ANKRD31: variants seen among roughly 807,000 people sequenced by gnomAD.
The protein encoded by ANKRD31 is ankyrin repeat domain 31.
ANKRD31 carries 147 observed loss-of-function variants against 186.0 expected under a neutral mutation model. The ratio of observed to expected loss-of-function variants is 0.79; its 90% confidence interval spans 0.69 to 0.91. The LOEUF (loss-of-function observed/expected upper bound fraction) is 0.91. ANKRD31 is among the 40% of genes least tolerant of loss of function. The pLI, the probability that ANKRD31 is intolerant of heterozygous loss-of-function variation, is 0.00. For synonymous variants in ANKRD31, 673 were observed against 736.4 expected, an observed-to-expected ratio of 0.91 and a Z score of 1.39; for missense variants, 1,986 against 2,148.8, an observed-to-expected ratio of 0.92 and a Z score of 1.50.
intron 19 of ANKRD31, among the ~76,000 whole-genome samples, chr5:75,113,631 G>A (rs763487315): frequency 1.2e-4 from 19 of 152,004 alleles, no homozygotes; most frequent in Admixed American, 2.0e-4. Context: ...AAAACATGTA[G>A]GTCCTCAAAG....
chr5:75,221,321 A>G (rs1406055387), intron 3 of ANKRD31, among the ~76,000 whole-genome samples: 1 of 152,232 alleles, frequency 6.6e-6, no homozygotes, highest in African/African-American at 2.4e-5. Flanking sequence ...TGTCAAAATC[A>G]TATTTTAAAA....
intron 6 of ANKRD31, among the ~76,000 whole-genome samples, 195 bp from the exon 7 acceptor site, chr5:75,196,395 T>C (rs1030814452): frequency 2.0e-5 from 3 of 152,134 alleles, no homozygotes; most frequent in Non-Finnish European, 4.4e-5. Context: ...ACTGAAAACA[T>C]GGTTAAACAT....
At chr5:75,119,608 C>T (rs1415140726) in intron 17 of ANKRD31, among the ~76,000 whole-genome samples, 3 of 152,184 alleles carry the variant, frequency 2.0e-5, no homozygotes, top group African/African-American at 4.8e-5. Flanking sequence ...CCTTTGGGTA[C>T]ATACCCAGTA....
At position 75,195,723 on chromosome 5, in the gene ANKRD31, CT is replaced by C; in HGVS notation, c.924del (p.Glu309ArgfsTer13). The C allele has an allele frequency of 2.0e-6, 3 of 1,537,584 alleles. No individual in the cohort carries two copies. Among genetic ancestry groups the C allele is most frequent in the Non-Finnish European group, 2.6e-6 (3 of 1,146,908 alleles). ...EAKVETICHR[K>X]EGGSSLIARN... The stretch of plus-strand genomic sequence containing the variant: ...CTGGCAATGAGACTGCTACCTCCCT[CT>C]TTTCTGTGACAGATGGTTTCCACCT... On this transcript the variant is annotated frameshift_variant, in exon 7 of 26. Transcript: ENST00000506364. LOFTEE classifies it high-confidence loss of function.
intron 3 of ANKRD31, among the ~76,000 whole-genome samples, chr5:75,220,842 G>C (rs1757252622): frequency 6.6e-6 from 1 of 152,100 alleles, no homozygotes; most frequent in Non-Finnish European, 1.5e-5. Flanking sequence ...GCTTATGCTT[G>C]TAACCCCAGC....
intron 17 of ANKRD31, among the ~76,000 whole-genome samples, chr5:75,135,322 A>G (rs1580405449): frequency 6.6e-6 from 1 of 152,344 alleles, no homozygotes; most frequent in African/African-American, 2.4e-5. Context: ...GCAAAGGCTC[A>G]GGATACTAAA....
rs1749320175 is a variant in ANKRD31, at chr5:75,127,148, G to A, written c.3877-8851C>T. 2.7e-5 allele frequency among the ~76,000 whole-genome samples: 4 copies of A among 147,978 alleles called. No individual in the cohort carries two copies. In the Admixed American group the frequency reaches 2.7e-4, roughly 10 times the overall value. On this transcript the variant is annotated intron_variant, in intron 17 of 25. Transcript: ENST00000506364. ...TGCAGGAAGCAGAGATTGTGCCACTGCACTCCAGCCTGGGTGGCAAAGTGA... is the reference window on the plus strand; with the variant it reads ...TGCAGGAAGCAGAGATTGTGCCACTACACTCCAGCCTGGGTGGCAAAGTGA...
chr5:75,137,513 G>C (rs1364670210), intron 17 of ANKRD31, among the ~76,000 whole-genome samples: 3 of 152,098 alleles, frequency 2.0e-5, no homozygotes, highest in Non-Finnish European at 4.4e-5. Flanking sequence ...AAATCTAGCT[G>C]TCACACATAT....
chr5:75,123,145 C>A (rs1407600321), intron 17 of ANKRD31, among the ~76,000 whole-genome samples: 1 of 151,868 alleles, frequency 6.6e-6, no homozygotes, highest in African/African-American at 2.4e-5. Context: ...CATTTCTATA[C>A]ACCAATAATA....
chr5:75,178,812 A>G (rs1225747128), intron 10 of ANKRD31, among the ~76,000 whole-genome samples: 6 of 152,230 alleles, frequency 3.9e-5, no homozygotes, highest in Non-Finnish European at 8.8e-5. Flanking sequence ...CCCTAACTTC[A>G]CAATTCAAAG....
rs1751401936 is a variant in ANKRD31, at chr5:75,145,988, T to C, written c.3423A>G (p.Pro1141=). 3 of 1,471,682 alleles carry C rather than the reference T, an allele frequency of 2.0e-6. No homozygotes were observed. Among genetic ancestry groups the C allele is most frequent in the African/African-American group, 1.4e-5 (1 of 70,154 alleles). The allele number at this position is 1,471,682 out of a possible 1,614,324, so 91.2% of individuals were successfully genotyped here. A position where few individuals can be genotyped will look rare whatever the true frequency, so the allele number is the denominator to read the frequency against. The change falls in exon 14 of 26, where the codon CCA becomes CCG. Residue 1141 remains proline, a splice_region_variant and synonymous_variant. Coordinates refer to ENST00000506364, the MANE Select transcript of ANKRD31 (RefSeq NM_001372053.1). ...CAGATTAAGCAATATTACTAATACC[T>C]GGTTTGTGAGAAATTTCCTTCTTTT... The part of the protein sequence containing the change: ...QREKKEISHK[P]DEELTNNISG...
chr5:75,146,018 T>G lies in ANKRD31; in HGVS notation c.3393A>C (p.Gln1131His), dbSNP rs1388353285. The G allele has an allele frequency of 6.7e-7, 1 of 1,496,074 alleles. No homozygotes were observed. 92.7% of individuals were successfully genotyped at this position (1,496,074 alleles called of 1,614,324 possible). A position where few individuals can be genotyped will look rare whatever the true frequency, so the allele number is the denominator to read the frequency against. ...TGTGAGAAATTTCCTTCTTTTCTCT[T>G]TGACTAAGTTTTGAGATGTTGGCCA... The part of the protein sequence containing the change: ...KELANISKLS[Q>H]REKKEISHKP... The change falls in exon 14 of 26, where the codon CAA becomes CAC. Residue 1131 changes from glutamine (Q) to histidine (H), a missense_variant. Physicochemically the swap from Gln to His is conservative, Grantham distance 24. Transcript: ENST00000506364.
intron 17 of ANKRD31, among the ~76,000 whole-genome samples, chr5:75,120,587 A>G (rs912031813): frequency 1.3e-5 from 2 of 152,142 alleles, no homozygotes; most frequent in African/African-American, 4.8e-5. Context: ...TTAGGAGCAA[A>G]TGGGCCAGTA....
In ANKRD31 at chr5:75,188,667, C is replaced by A; in HGVS notation, c.1409-19G>T. On this transcript the variant is annotated intron_variant, in intron 9 of 25. Coordinates refer to ENST00000506364, the MANE Select transcript of ANKRD31 (RefSeq NM_001372053.1). ...ATTTTTTCTGAAATGAGGGAATGAA[C>A]AAAAGAAAAAAATCATTATTTGAAT... 4.0e-6 allele frequency: 6 copies of A among 1,502,300 alleles called. No individual in the cohort carries two copies. In the Admixed American group the frequency reaches 6.7e-5, roughly 17 times the overall value. The allele number at this position is 1,502,300 out of a possible 1,614,324, so 93.1% of individuals were successfully genotyped here.
chr5:75,091,519 T>C, intron 22 of ANKRD31, 118 bp from the exon 23 acceptor site: 1 of 922,542 alleles, frequency 1.1e-6, no homozygotes, highest in Non-Finnish European at 1.6e-6. Flanking sequence ...GATGTATTTT[T>C]GTATATAAAT....
intron 24 of ANKRD31, among the ~76,000 whole-genome samples, chr5:75,084,069 G>A (rs1745295569): frequency 3.3e-5 from 5 of 152,138 alleles, no homozygotes; most frequent in Admixed American, 2.6e-4. Context: ...TGATCAAAGT[G>A]TTTTAGAATT....
intron 20 of ANKRD31, among the ~76,000 whole-genome samples, chr5:75,110,614 CAGA>C (rs1747698938): frequency 1.3e-5 from 2 of 150,890 alleles, no homozygotes; most frequent in South Asian, 2.1e-4. Context: ...GAGGCTGAGG[CAGA>C]AGAATGGCTT....
At chr5:75,168,436 T>C (rs1448710038) in intron 11 of ANKRD31, among the ~76,000 whole-genome samples, 4 of 152,212 alleles carry the variant, frequency 2.6e-5, no homozygotes, top group African/African-American at 7.2e-5. Flanking sequence ...AGATAAACCA[T>C]GTATACTAGA....
At chr5:75,128,082 C>A (rs971287012) in intron 17 of ANKRD31, among the ~76,000 whole-genome samples, 1 of 152,046 alleles carries the variant, frequency 6.6e-6, no homozygotes, top group Admixed American at 6.6e-5. Context: ...TTTTTACTTT[C>A]CAAATACATG....
Sources: gnomAD v4.1 joint callset for allele counts (sites outside exome capture counted in the v4.1 genomes callset) on GRCh38, gnomAD v4.1.1 for gene constraint, MANE v1.5 for transcripts, NCBI Gene and HGNC (gene_info 2026-07-23, HGNC 2026-07-21) for gene names.